CFAP58: variants seen among roughly 807,000 people sequenced by gnomAD.
CFAP58 encodes the protein cilia and flagella associated protein 58, also known as cilia- and flagella-associated protein 58.
A neutral mutation model predicts 119.5 loss-of-function variants in CFAP58; 88 were observed. That is an observed-to-expected ratio of 0.74 (90% confidence interval 0.62 to 0.88). CFAP58 has a LOEUF of 0.88. Among genes scored for constraint, CFAP58 ranks in the 40% least tolerant of loss-of-function variants. CFAP58 has a pLI of 0.00. For synonymous variants in CFAP58, 365 were observed against 366.3 expected (o/e 1.00, Z 0.04); for missense variants, 990 against 1,021.2 (o/e 0.97, Z 0.42).
At chr10:104,339,172 G>A in the CFAP58 span, among the ~76,000 whole-genome samples, 4,310 of 152,288 alleles carry the variant, frequency 0.028, 125 homozygotes, top group Non-Finnish European at 0.037. Flanking sequence ...TTACAGGCGT[G>A]AGCCACCGCG....
At position 104,403,812 on chromosome 10, in the gene CFAP58, T is replaced by C; in HGVS notation, c.2123T>C (p.Leu708Pro). 1 of 1,611,388 alleles carries C rather than the reference T, an allele frequency of 6.2e-7. No homozygotes were observed. Among genetic ancestry groups the C allele is most frequent in the Non-Finnish European group, 8.5e-7 (1 of 1,178,560 alleles). Residue 708 changes from leucine to proline, a missense_variant, in exon 14 of 18, where the codon CTG (leucine) becomes CCG (proline). By Grantham distance (98) the Leu-to-Pro change is moderately conservative. Transcript: ENST00000369704. ...CTGGAGGAGGAGCTGGAGAATCCCC[T>C]GAATGTGCACAGATGGAGGAAGCTC... is the stretch of plus-strand genomic sequence containing the variant. Reference protein sequence around the residue: ...RALEEELENPLNVHRWRKLEA... With the variant: ...RALEEELENPPNVHRWRKLEA...
chr10:104,430,019 G>A (rs1292065929), intron 15 of CFAP58, among the ~76,000 whole-genome samples: 1 of 152,210 alleles, frequency 6.6e-6, no homozygotes, highest in Non-Finnish European at 1.5e-5. Context: ...GGATAGCAGT[G>A]AGGGGTGGAT....
intron 9 of CFAP58, 136 bp downstream of exon 9, chr10:104,380,356 T>C (rs1414733057): frequency 1.2e-6 from 1 of 835,122 alleles, no homozygotes; most frequent in South Asian, 1.8e-5. Flanking sequence ...GGAGGAACGA[T>C]GTGGACAAAA....
intron 2 of CFAP58, 90 bp from the exon 3 acceptor site, chr10:104,361,933 C>A: frequency 8.1e-7 from 1 of 1,237,174 alleles, no homozygotes; most frequent in Non-Finnish European, 1.1e-6. Context: ...TATAACTACA[C>A]TGTGGTCATG....
chr10:104,407,667 A>G (rs982242147), intron 15 of CFAP58, among the ~76,000 whole-genome samples: 2 of 152,162 alleles, frequency 1.3e-5, no homozygotes, highest in African/African-American at 4.8e-5. Flanking sequence ...GCAATTATTC[A>G]TGTTACTTTG....
intron 17 of CFAP58, among the ~76,000 whole-genome samples, chr10:104,453,896 G>A (rs1174409299): frequency 2.0e-5 from 3 of 151,770 alleles, no homozygotes; most frequent in African/African-American, 7.3e-5. Context: ...AGCTTTTCTT[G>A]TATCTTCAAC....
chr10:104,357,917 A>AT lies in CFAP58; in HGVS notation c.10-423dup, dbSNP rs775291327. On this transcript the variant is annotated intron_variant, in intron 1 of 17. Coordinates refer to ENST00000369704, the MANE Select transcript of CFAP58 (RefSeq NM_001008723.2). Reference sequence around the variant, plus strand: ...CATATATGTACACATATACACACATATATGTACACATATACACACATATAT... The same window carrying AT: ...CATATATGTACACATATACACACATATTATGTACACATATACACACATATAT... 2.8e-4 allele frequency among the ~76,000 whole-genome samples: 32 copies of AT among 114,184 alleles called. 1 individual carries two copies. The highest frequency in any genetic ancestry group is 8.1e-4 in the Admixed American group (10 of 12,384). 74.9% of individuals were successfully genotyped at this position (114,184 alleles called of 152,430 possible). A position where few individuals can be genotyped will look rare whatever the true frequency, so the allele number is the denominator to read the frequency against.
upstream of CFAP58, among the ~76,000 whole-genome samples, chr10:104,352,903 G>A (rs2014480001): frequency 6.6e-6 from 1 of 152,150 alleles, no homozygotes; most frequent in Non-Finnish European, 1.5e-5. Context: ...AATCTCCAAA[G>A]TCCAGTAGCA....
intron 15 of CFAP58, among the ~76,000 whole-genome samples, chr10:104,410,557 TCC>T (rs2133054785): frequency 6.6e-6 from 1 of 152,346 alleles, no homozygotes; most frequent in Non-Finnish European, 1.5e-5. Flanking sequence ...GTCCTTTGTG[TCC>T]CCAGCTTCCA....
rs367585173 is a variant in CFAP58 at position 104,358,626 on chromosome 10, A to G, written c.291+4A>G. 1.2e-5 allele frequency: 20 copies of G among 1,604,096 alleles called. No individual in the cohort carries two copies. The highest frequency in any genetic ancestry group is 1.5e-5 in the Non-Finnish European group (18 of 1,173,450). The stretch of plus-strand genomic sequence containing the variant: ...CACCATTGCATCCCTAAAGAAGGTC[A>G]GTGATCTTCTAGAAATGGAATGAAC... On this transcript the variant is annotated splice_donor_region_variant and intron_variant, in intron 2 of 17. Transcript: ENST00000369704.
In CFAP58 at chr10:104,358,493, T is replaced by C; in HGVS notation, c.162T>C (p.Tyr54=). Reference sequence around the variant, plus strand: ...TTCATGCTGTCATGAAAAAGTCTTATGACAATGAAAAGCGTCTGATGGCCA... The same window carrying C: ...TTCATGCTGTCATGAAAAAGTCTTACGACAATGAAAAGCGTCTGATGGCCA... ...ERLHAVMKKS[Y]DNEKRLMAKC... Residue 54 remains tyrosine, a synonymous_variant, in exon 2 of 18, where the codon TAT becomes TAC. Transcript: ENST00000369704. 6.2e-7 allele frequency: 1 copy of C among 1,614,120 alleles called. No individual in the cohort carries two copies. Among genetic ancestry groups the C allele is most frequent in the Non-Finnish European group, 8.5e-7 (1 of 1,180,024 alleles).
chr10:104,350,058 T>C (rs777136393), upstream of CFAP58, among the ~76,000 whole-genome samples: 22 of 152,224 alleles, frequency 1.4e-4, no homozygotes, highest in Non-Finnish European at 2.4e-4. Flanking sequence ...GTGCTTACTA[T>C]ATCCTGTCTC....
intron 5 of CFAP58, 113 bp downstream of exon 5, chr10:104,366,121 C>A: frequency 2.1e-6 from 2 of 953,412 alleles, no homozygotes; most frequent in Non-Finnish European, 3.0e-6. Flanking sequence ...CCCTTCACTA[C>A]TCGTGCTGAT....
At chr10:104,346,221 A>G in the CFAP58 span, among the ~76,000 whole-genome samples, 1 of 152,030 alleles carries the variant, frequency 6.6e-6, no homozygotes, top group African/African-American at 2.4e-5. Flanking sequence ...TTACCTCTGC[A>G]CCAAGCCATT....
intron 11 of CFAP58, among the ~76,000 whole-genome samples, chr10:104,395,791 G>A (rs938891203): frequency 2.0e-5 from 3 of 152,138 alleles, no homozygotes; most frequent in Non-Finnish European, 2.9e-5. Flanking sequence ...ACGAAGCTAC[G>A]CGGGTACATA....
intron 15 of CFAP58, among the ~76,000 whole-genome samples, chr10:104,444,274 T>A (rs1030690610): frequency 6.6e-6 from 1 of 152,250 alleles, no homozygotes; most frequent in Non-Finnish European, 1.5e-5. Context: ...CATTGACATA[T>A]GGTGCTTCTA....
At chr10:104,365,066 G>A (rs2014724293) in intron 4 of CFAP58, among the ~76,000 whole-genome samples, 177 bp downstream of exon 4, 1 of 152,048 alleles carries the variant, frequency 6.6e-6, no homozygotes, top group Admixed American at 6.5e-5. Flanking sequence ...TACTTGATTT[G>A]AACGACTTGA....
chr10:104,360,354 A>G (rs1326476317), intron 2 of CFAP58, among the ~76,000 whole-genome samples: 1 of 152,086 alleles, frequency 6.6e-6, no homozygotes, highest in Non-Finnish European at 1.5e-5. Context: ...GAAGCATAAC[A>G]CTGGCATCTG....
At chr10:104,370,780 C>A in intron 6 of CFAP58, 115 bp from the exon 7 acceptor site, 1 of 945,170 alleles carries the variant, frequency 1.1e-6, no homozygotes, top group Non-Finnish European at 1.5e-6. Context: ...TCTCACAGAA[C>A]AACTTTAAAA....
Sources: gnomAD v4.1 joint callset for allele counts (sites outside exome capture counted in the v4.1 genomes callset) on GRCh38, gnomAD v4.1.1 for gene constraint, MANE v1.5 for transcripts, NCBI Gene and HGNC (gene_info 2026-07-23, HGNC 2026-07-21) for gene names.